Variants in DLGAP2 observed in about 807,000 individuals in gnomAD.
DLGAP2 encodes DLG associated protein 2, also known as disks large-associated protein 2.
A neutral mutation model predicts 100.3 loss-of-function variants in DLGAP2; 26 were observed. The ratio of observed to expected loss-of-function variants is 0.26; its 90% CI spans 0.19 to 0.36. The LOEUF (loss-of-function observed/expected upper bound fraction) is 0.36. DLGAP2 is among the 10% of genes least tolerant of loss of function. The pLI, the probability that DLGAP2 is intolerant of heterozygous loss-of-function variation, is 1.00. For missense variants in DLGAP2, 1,858 were observed against 1,453.2 expected (o/e 1.28, Z -4.53); for synonymous variants, 886 against 630.1 (o/e 1.41, Z -6.08).
intron 2 of DLGAP2, among the ~76,000 whole-genome samples, chr8:1,080,146 G>A (rs941797361): frequency 1.8e-4 from 28 of 152,232 alleles, no homozygotes; most frequent in Admixed American, 1.5e-3. Context: ...GGTTGCAGTG[G>A]CCACTGAGCA....
At chr8:1,559,158 C>G (rs1024525359) in intron 5 of DLGAP2, among the ~76,000 whole-genome samples, 1 of 152,194 alleles carries the variant, frequency 6.6e-6, no homozygotes, top group African/African-American at 2.4e-5. Context: ...TTATGAACAT[C>G]ACCCATCACT....
At chr8:974,851 C>G (rs1339175585) in intron 2 of DLGAP2, among the ~76,000 whole-genome samples, 1 of 151,776 alleles carries the variant, frequency 6.6e-6, no homozygotes, top group Non-Finnish European at 1.5e-5. Flanking sequence ...TAGAGAAGAG[C>G]AAATTAAATC....
At chr8:796,806 C>G (rs1451486675) in intron 1 of DLGAP2, among the ~76,000 whole-genome samples, 1 of 152,186 alleles carries the variant, frequency 6.6e-6, no homozygotes, top group East Asian at 1.9e-4. Flanking sequence ...TCCACTGGCA[C>G]CATGACAGCC....
intron 1 of DLGAP2, among the ~76,000 whole-genome samples, chr8:761,778 G>T (rs753100943): frequency 7.2e-5 from 11 of 152,184 alleles, no homozygotes; most frequent in Non-Finnish European, 1.5e-4. Flanking sequence ...AGAGCCTGAG[G>T]TCGCGCTGTC....
intron 2 of DLGAP2, among the ~76,000 whole-genome samples, chr8:1,103,486 C>T (rs113341180): frequency 7.6e-6 from 1 of 131,912 alleles, no homozygotes; most frequent in African/African-American, 3.5e-5. Flanking sequence ...CTGGCGGGGC[C>T]TTGGTTGACG....
intron 2 of DLGAP2, among the ~76,000 whole-genome samples, chr8:1,211,096 T>C (rs1451770955): frequency 6.6e-6 from 1 of 152,226 alleles, no homozygotes; most frequent in Non-Finnish European, 1.5e-5. Context: ...AGCTGTGGTT[T>C]GAGGACGTTT....
Position 1,101,881 on chromosome 8 carries a change from C to G in DLGAP2, c.74-156970C>G, listed in dbSNP as rs917617915. Among the ~76,000 whole-genome samples the G allele has an allele frequency of 2.2e-5, 3 of 137,164 alleles. No homozygotes were observed. In the East Asian group the frequency reaches 7.8e-4, roughly 36 times the overall value. 90.0% of individuals were successfully genotyped at this position (137,164 alleles called of 152,430 possible). On this transcript the variant is annotated intron_variant, in intron 2 of 14. Coordinates refer to ENST00000637795, the MANE Select transcript of DLGAP2 (RefSeq NM_001346810.2). ...ACGACGATGGGAAGGTCCTCGTCAC[C>G]CCTGAGCCGAACACGACACGATGAT... is the stretch of plus-strand genomic sequence containing the variant.
intron 2 of DLGAP2, among the ~76,000 whole-genome samples, chr8:1,218,195 C>G (rs112706160): frequency 6.6e-6 from 1 of 152,142 alleles, no homozygotes; most frequent in East Asian, 1.9e-4. Flanking sequence ...TTTCTAGGTT[C>G]TCTTCCAGAT....
At chr8:871,070 G>A (rs1379149737) in intron 1 of DLGAP2, among the ~76,000 whole-genome samples, 10 of 152,198 alleles carry the variant, frequency 6.6e-5, no homozygotes, top group Non-Finnish European at 1.5e-4. Context: ...CTGTGGCAGT[G>A]CGCACTGTTT....
intron 2 of DLGAP2, among the ~76,000 whole-genome samples, chr8:971,075 A>C (rs1800002751): frequency 1.3e-5 from 2 of 152,212 alleles, no homozygotes; most frequent in Admixed American, 1.3e-4. Flanking sequence ...TGGGAGTATG[A>C]ATGAAAATTC....
intron 2 of DLGAP2, among the ~76,000 whole-genome samples, chr8:955,982 T>C (rs145095716): frequency 6.6e-6 from 1 of 152,232 alleles, no homozygotes; most frequent in East Asian, 1.9e-4. Flanking sequence ...CCTGTGACTT[T>C]GGGAGGCTTA....
At chr8:1,558,841 C>T (rs1410556249) in intron 5 of DLGAP2, among the ~76,000 whole-genome samples, 1 of 139,602 alleles carries the variant, frequency 7.2e-6, no homozygotes, top group Non-Finnish European at 1.6e-5. Flanking sequence ...GCATGCACAC[C>T]CATATACCTG....
chr8:739,485 C>T (rs1376420100), intron 1 of DLGAP2: 2 of 152,272 alleles, frequency 1.3e-5, no homozygotes, highest in African/African-American at 4.8e-5. Flanking sequence ...CCCCAGCGCA[C>T]CTTGGAAGGC....
chr8:921,789 C>T (rs891650630), intron 2 of DLGAP2, among the ~76,000 whole-genome samples: 30 of 152,218 alleles, frequency 2.0e-4, no homozygotes, highest in Non-Finnish European at 3.1e-4. Flanking sequence ...CACGTCCTGG[C>T]TCTTCTGCTC....
At chr8:820,006 A>C (rs1483977529) in intron 1 of DLGAP2, among the ~76,000 whole-genome samples, 1 of 152,240 alleles carries the variant, frequency 6.6e-6, no homozygotes, top group Non-Finnish European at 1.5e-5. Flanking sequence ...TAGAGAAAAA[A>C]ATGAACCATG....
chr8:1,179,902 C>G (rs2116699336), intron 2 of DLGAP2, among the ~76,000 whole-genome samples: 1 of 152,126 alleles, frequency 6.6e-6, no homozygotes, highest in South Asian at 2.1e-4. Flanking sequence ...TATGTGAAAA[C>G]AAAATAACGA....
chr8:996,804 C>T (rs1229402870), intron 2 of DLGAP2, among the ~76,000 whole-genome samples: 8 of 152,276 alleles, frequency 5.3e-5, no homozygotes, highest in Non-Finnish European at 1.0e-4. Context: ...AGTTAATATG[C>T]GTGGCAGACA....
chr8:1,007,588 G>A (rs1361738907), intron 2 of DLGAP2, among the ~76,000 whole-genome samples: 5 of 146,734 alleles, frequency 3.4e-5, no homozygotes, highest in Non-Finnish European at 6.0e-5. Flanking sequence ...AAGGCTGAAG[G>A]CACCAGTGGT....
chr8:1,539,705 C>G (rs149784685), intron 4 of DLGAP2, among the ~76,000 whole-genome samples: 1 of 152,108 alleles, frequency 6.6e-6, no homozygotes, highest in Admixed American at 6.5e-5. Context: ...TGGAGGATGC[C>G]GACAGCGAGA....
Sources: gnomAD v4.1 joint callset for allele counts (sites outside exome capture counted in the v4.1 genomes callset) on GRCh38, gnomAD v4.1.1 for gene constraint, MANE v1.5 for transcripts, NCBI Gene and HGNC (gene_info 2026-07-23, HGNC 2026-07-21) for gene names.